The following MELK variants were observed in gnomAD, a reference collection of about 807,000 sequenced individuals.
MELK encodes the protein pEg3 kinase.
Under a neutral mutation model 85.0 loss-of-function variants are expected in MELK, and 81 were observed. The ratio of observed to expected loss-of-function variants is 0.95; its 90% CI spans 0.80 to 1.15. The LOEUF (loss-of-function observed/expected upper bound fraction) is 1.15. Among genes scored for constraint, MELK ranks in the 50% most tolerant of loss-of-function variants. MELK has a pLI of 0.00. For synonymous variants in MELK, 252 were observed against 265.0 expected (o/e 0.95, Z 0.48); for missense variants, 754 against 777.5 (o/e 0.97, Z 0.36).
At position 36,612,978 on chromosome 9, in the gene MELK, C is replaced by T. The variant is rs192966642; in HGVS notation, c.666+5305C>T. ...CATTTCATTTGAAGCTCTCTAGTGGCCTCTTTCTCATCTCGAGTACAAGCC... is the reference window on the plus strand; with the variant it reads ...CATTTCATTTGAAGCTCTCTAGTGGTCTCTTTCTCATCTCGAGTACAAGCC... On this transcript the variant is annotated intron_variant, in intron 8 of 17. Transcript: ENST00000298048. Among the ~76,000 whole-genome samples the T allele has an allele frequency of 3.3e-5, 5 of 152,242 alleles. No individual in the cohort carries two copies. The East Asian group carries it at 9.6e-4, about 29-fold the overall frequency.
At chr9:36,585,560 G>T (rs747081559) in intron 3 of MELK, among the ~76,000 whole-genome samples, 23 of 151,898 alleles carry the variant, frequency 1.5e-4, no homozygotes, top group South Asian at 1.5e-3. Flanking sequence ...ACCCACCTCG[G>T]CCTCCTAAAG....
Position 36,674,956 on chromosome 9 carries a change from A to G in MELK, c.1778+19A>G. The stretch of plus-strand genomic sequence containing the variant: ...AAAAGGGGTAAGAAGCACATTTACA[A>G]GCTGTTGCATTTATTAGTATCTTTT... On this transcript the variant is annotated intron_variant, in intron 17 of 17. Coordinates refer to ENST00000298048, the MANE Select transcript of MELK (RefSeq NM_014791.4). The G allele has an allele frequency of 6.6e-7, 1 of 1,512,580 alleles. No homozygotes were observed. Among genetic ancestry groups the G allele is most frequent in the Non-Finnish European group, 9.2e-7 (1 of 1,089,698 alleles). 93.7% of individuals were successfully genotyped at this position (1,512,580 alleles called of 1,614,324 possible).
intron 2 of MELK, 121 bp downstream of exon 2, chr9:36,581,860 C>A: frequency 1.5e-6 from 1 of 687,550 alleles, no homozygotes. Flanking sequence ...CTACCTACTT[C>A]AGTAAGAAAA....
chr9:36,597,471 A>G (rs1824417440), intron 6 of MELK, among the ~76,000 whole-genome samples, 181 bp downstream of exon 6: 2 of 152,212 alleles, frequency 1.3e-5, no homozygotes, highest in South Asian at 4.1e-4. Flanking sequence ...CATAACATGC[A>G]ATCAAGATTG....
chr9:36,590,107 G>A (rs763104783), intron 4 of MELK, among the ~76,000 whole-genome samples: 2 of 151,878 alleles, frequency 1.3e-5, no homozygotes, highest in African/African-American at 2.4e-5. Flanking sequence ...ATTTTTAGTA[G>A]AGACGGGGTT....
Position 36,581,662 on chromosome 9 carries a change from A to G in MELK, c.-20A>G. The G allele has an allele frequency of 6.5e-7, 1 of 1,544,716 alleles. No individual in the cohort carries two copies. Among genetic ancestry groups the G allele is most frequent in the Non-Finnish European group, 8.9e-7 (1 of 1,119,890 alleles). On this transcript the variant is annotated 5_prime_UTR_variant, in exon 2 of 18. Coordinates refer to ENST00000298048, the MANE Select transcript of MELK (RefSeq NM_014791.4). ...CTTCTAGGTTCTTTTTCTAATTCCA[A>G]ATAAACTTGCAAGAGGACTATGAAA...
intron 10 of MELK, among the ~76,000 whole-genome samples, chr9:36,635,327 G>A (rs958630843): frequency 6.6e-6 from 1 of 151,358 alleles, no homozygotes; most frequent in African/African-American, 2.4e-5. Context: ...GCAATGGCAC[G>A]ATCTTGGCTG....
At chr9:36,658,290 G>A (rs11999329) in intron 13 of MELK, among the ~76,000 whole-genome samples, 2,450 of 151,844 alleles carry the variant, frequency 0.016, 61 homozygotes, top group African/African-American at 0.055. Context: ...CACACTTGAT[G>A]GTGCCCTACA....
chr9:36,596,947 T>C (rs1450825470), intron 5 of MELK, among the ~76,000 whole-genome samples: 1 of 152,234 alleles, frequency 6.6e-6, no homozygotes. Flanking sequence ...CAGTTTGTTG[T>C]ACCCGGACTT....
chr9:36,636,232 G>A (rs948673896), intron 10 of MELK, among the ~76,000 whole-genome samples: 4 of 152,024 alleles, frequency 2.6e-5, no homozygotes, highest in East Asian at 2.0e-4. Context: ...GGCTGGGCAC[G>A]GTGGCTCACG....
rs373288213 is a variant in MELK, at chr9:36,649,643, C to A, written c.922-2103C>A. Among the ~76,000 whole-genome samples, 50 of 152,190 alleles carry A rather than the reference C, an allele frequency of 3.3e-4. No homozygotes were observed. The East Asian group carries it at 8.5e-3, about 26-fold the overall frequency. ...AATTAGCCAGGCGTGGTGGCATGTG[C>A]CTGTAATCCCGGGTACTCGGGACCC... On this transcript the variant is annotated intron_variant, in intron 11 of 17. Transcript: ENST00000298048.
intron 8 of MELK, among the ~76,000 whole-genome samples, chr9:36,624,414 A>G (rs1827749787): frequency 6.6e-6 from 1 of 152,176 alleles, no homozygotes; most frequent in Middle Eastern, 3.2e-3. Flanking sequence ...GAGATTGAAT[A>G]ACTCTTACAA....
chr9:36,646,216 C>T (rs1029265499), intron 11 of MELK, among the ~76,000 whole-genome samples: 1 of 152,128 alleles, frequency 6.6e-6, no homozygotes, highest in Non-Finnish European at 1.5e-5. Flanking sequence ...TTCATACTGG[C>T]TCTACATACT....
intron 5 of MELK, among the ~76,000 whole-genome samples, chr9:36,595,252 C>T (rs1315944652): frequency 6.6e-6 from 1 of 152,018 alleles, no homozygotes; most frequent in Non-Finnish European, 1.5e-5. Flanking sequence ...TCTCCTGCCT[C>T]AGCCTCCCGA....
intron 9 of MELK, among the ~76,000 whole-genome samples, chr9:36,632,438 G>A (rs1828728705): frequency 6.6e-6 from 1 of 152,000 alleles, no homozygotes; most frequent in African/African-American, 2.4e-5. Context: ...TCTTCTTAGT[G>A]CAATTTTTTT....
At chr9:36,611,945 G>A (rs1422796831) in intron 8 of MELK, among the ~76,000 whole-genome samples, 2 of 151,778 alleles carry the variant, frequency 1.3e-5, no homozygotes, top group African/African-American at 4.8e-5. Context: ...GCTAATTTTT[G>A]TACTTTTAGT....
chr9:36,640,714 C>T (rs1484952445), intron 10 of MELK, among the ~76,000 whole-genome samples: 2 of 152,190 alleles, frequency 1.3e-5, no homozygotes. Context: ...CTTCCCAAAG[C>T]CCTGGGATTA....
At chr9:36,675,907 A>C (rs1350255881) in intron 17 of MELK, among the ~76,000 whole-genome samples, 5 of 152,182 alleles carry the variant, frequency 3.3e-5, no homozygotes, top group Non-Finnish European at 7.3e-5. Flanking sequence ...TGCAGATATA[A>C]TTTTTAGTTT....
intron 8 of MELK, among the ~76,000 whole-genome samples, chr9:36,625,676 T>G (rs1386545552): frequency 1.3e-5 from 2 of 152,112 alleles, no homozygotes; most frequent in African/African-American, 4.8e-5. Flanking sequence ...ATTCCAGCAC[T>G]TTGGGAGGCT....
Sources: allele counts gnomAD v4.1 joint callset (sites outside exome capture counted in the v4.1 genomes callset), GRCh38; gene constraint gnomAD v4.1.1; transcripts MANE v1.5; gene names NCBI Gene and HGNC (gene_info 2026-07-23, HGNC 2026-07-21).